Variants in RBFOX2 observed in about 807,000 individuals in gnomAD.
The protein encoded by RBFOX2 is RNA binding protein fox-1 homolog 2.
Under a neutral mutation model 49.1 loss-of-function variants are expected in RBFOX2, and 10 were observed. The observed-to-expected ratio is 0.20, with a 90% CI of 0.13 to 0.35. The LOEUF is 0.35. Among genes scored for constraint, RBFOX2 ranks in the 10% least tolerant of loss-of-function variants. The pLI is 1.00. For synonymous variants in RBFOX2, 183 were observed against 187.4 expected (o/e 0.98, Z 0.19); for missense variants, 323 against 486.9 (o/e 0.66, Z 3.17).
chr22:35,904,059 T>C (rs1468313040), intron 1 of RBFOX2, among the ~76,000 whole-genome samples: 1 of 152,202 alleles, frequency 6.6e-6, no homozygotes, highest in Non-Finnish European at 1.5e-5. Flanking sequence ...CTAAAGACAC[T>C]GATTTTGTGT....
intron 2 of RBFOX2, among the ~76,000 whole-genome samples, chr22:35,804,985 C>A (rs1950440940): frequency 6.6e-6 from 1 of 151,740 alleles, no homozygotes; most frequent in Admixed American, 6.6e-5. Context: ...AACAAACAAC[C>A]TGATTAAAAA....
At chr22:35,909,078 G>A (rs1329817052) in intron 1 of RBFOX2, among the ~76,000 whole-genome samples, 4 of 152,092 alleles carry the variant, frequency 2.6e-5, no homozygotes, top group African/African-American at 7.2e-5. Flanking sequence ...TCCTGACCTC[G>A]TGATCTGCCC....
chr22:35,872,942 A>G (rs2044551445), intron 1 of RBFOX2, among the ~76,000 whole-genome samples: 1 of 152,132 alleles, frequency 6.6e-6, no homozygotes, highest in South Asian at 2.1e-4. Context: ...TTCTCTATCC[A>G]GCACTTCCCT....
intron 1 of RBFOX2, among the ~76,000 whole-genome samples, chr22:36,021,295 A>C (rs2059238103): frequency 6.6e-6 from 1 of 151,974 alleles, no homozygotes; most frequent in Admixed American, 6.5e-5. Context: ...CACCTGATGT[A>C]AATGACGAGT....
chr22:36,008,457 A>T (rs919998502), intron 1 of RBFOX2, among the ~76,000 whole-genome samples: 2 of 152,216 alleles, frequency 1.3e-5, no homozygotes, highest in African/African-American at 4.8e-5. Flanking sequence ...AAAGGAAGAG[A>T]GATTAGGAAG....
rs560636227 is a variant in RBFOX2 at position 36,001,434 on chromosome 22, A to C, written c.186+26806T>G. Among the ~76,000 whole-genome samples, 8 of 152,286 alleles carry C rather than the reference A, an allele frequency of 5.3e-5. No homozygotes were observed. In the East Asian group the frequency reaches 1.5e-3, roughly 29 times the overall value. ...AAAAGAAATATAAATGATTTGTAGA[A>C]ATGTTTTTTTAAAAGATTCCCTTAA... On this transcript the variant is annotated intron_variant, in intron 1 of 13. Transcript: ENST00000438146.
chr22:35,998,383 G>C (rs2058275175), intron 1 of RBFOX2: 1 of 148,888 alleles, frequency 6.7e-6, no homozygotes, highest in Admixed American at 6.7e-5. Flanking sequence ...TCTTAATTAG[G>C]TTTTTTTTTT....
At chr22:35,999,998 TATA>T (rs1464765368) in intron 1 of RBFOX2, 42 of 110,720 alleles carry the variant, frequency 3.8e-4, no homozygotes, top group African/African-American at 1.1e-3. Flanking sequence ...TATATATATA[TATA>T]TATATTTTTT....
At chr22:35,824,839 C>G (rs1366051784) in intron 1 of RBFOX2, among the ~76,000 whole-genome samples, 6 of 152,360 alleles carry the variant, frequency 3.9e-5, no homozygotes, top group African/African-American at 1.4e-4. Flanking sequence ...ATATCTATTT[C>G]TTCTCTTTAC....
intron 1 of RBFOX2, among the ~76,000 whole-genome samples, chr22:36,007,486 T>C (rs2058662300): frequency 1.3e-5 from 2 of 152,172 alleles, no homozygotes; most frequent in South Asian, 2.1e-4. Flanking sequence ...ATAAACCCTA[T>C]GTTTACACAG....
intron 6 of RBFOX2, 87 bp downstream of exon 7, chr22:35,765,336 C>T (rs1940590269): frequency 1.5e-5 from 14 of 957,404 alleles, no homozygotes; most frequent in South Asian, 1.3e-4. Flanking sequence ...TGTCTTAAGA[C>T]GGAAATAAAG....
At chr22:35,789,784 TG>T (rs143695244) in intron 2 of RBFOX2, among the ~76,000 whole-genome samples, 162 of 152,170 alleles carry the variant, frequency 1.1e-3, no homozygotes, top group African/African-American at 3.7e-3. Flanking sequence ...TGGTGGTGGT[TG>T]TTGTTTTGGT....
chr22:35,761,380 A>G lies in RBFOX2; in HGVS notation c.661+35T>C, dbSNP rs754205975. The G allele has an allele frequency of 3.7e-6, 6 of 1,613,122 alleles. No individual in the cohort carries two copies. In the African/African-American group the frequency reaches 5.3e-5, roughly 14 times the overall value. ...AAAACAGCAGATGCTATTACAATTA[A>G]ATAGCACAAGTGGAAACATTTACTT... On this transcript the variant is annotated intron_variant, in intron 7 of 11. Coordinates refer to ENST00000405409, the Ensembl canonical transcript of RBFOX2.
chr22:35,947,276 T>G (rs113343589), intron 1 of RBFOX2, among the ~76,000 whole-genome samples: 1 of 152,134 alleles, frequency 6.6e-6, no homozygotes, highest in South Asian at 2.1e-4. Context: ...ACATTACTTA[T>G]GTGTTTGTGT....
chr22:35,766,142 C>A (rs958692136), intron 5 of RBFOX2, among the ~76,000 whole-genome samples: 2 of 152,120 alleles, frequency 1.3e-5, no homozygotes, highest in African/African-American at 4.8e-5. Flanking sequence ...TTTTATGGTA[C>A]TCTCCACCCT....
At chr22:35,836,793 T>C (rs1957760831) in intron 1 of RBFOX2, among the ~76,000 whole-genome samples, 1 of 152,258 alleles carries the variant, frequency 6.6e-6, no homozygotes, top group Non-Finnish European at 1.5e-5. Flanking sequence ...ATAGTATAAC[T>C]GAATTTGAGT....
chr22:35,966,910 TCAAGCAATCC>T (rs2056595028), intron 1 of RBFOX2, among the ~76,000 whole-genome samples: 1 of 151,678 alleles, frequency 6.6e-6, no homozygotes, highest in South Asian at 2.1e-4. Context: ...ACTCCTAAGC[TCAAGCAATCC>T]TCCTTCCTCA....
intron 1 of RBFOX2, among the ~76,000 whole-genome samples, chr22:35,891,913 C>T (rs1603441247): frequency 6.7e-6 from 1 of 150,150 alleles, no homozygotes; most frequent in Non-Finnish European, 1.5e-5. Flanking sequence ...GCAACCTTAA[C>T]AAGGGCTCCC....
chr22:35,975,233 T>G (rs887533181), intron 1 of RBFOX2, among the ~76,000 whole-genome samples: 5 of 152,160 alleles, frequency 3.3e-5, no homozygotes, highest in Admixed American at 6.5e-5. Flanking sequence ...TTGTATGAAT[T>G]GGTAATAAAC....
Sources: gnomAD v4.1 joint callset for allele counts (sites outside exome capture counted in the v4.1 genomes callset) on GRCh38, gnomAD v4.1.1 for gene constraint, MANE v1.5 for transcripts, NCBI Gene and HGNC (gene_info 2026-07-23, HGNC 2026-07-21) for gene names.